TPRG1: variants seen among roughly 807,000 people sequenced by gnomAD.
The protein encoded by TPRG1 is tumor protein p63-regulated gene 1 protein.
A neutral mutation model predicts 29.3 loss-of-function variants in TPRG1; 29 were observed. The observed-to-expected ratio is 0.99, with a 90% CI of 0.74 to 1.35. The LOEUF is 1.35. Among genes scored for constraint, TPRG1 ranks in the 40% most tolerant of loss-of-function variants. The pLI is 0.00. For synonymous variants in TPRG1, 130 were observed against 116.8 expected (o/e 1.11, Z -0.73); for missense variants, 327 against 335.0 (o/e 0.98, Z 0.19).
intron 4 of TPRG1, among the ~76,000 whole-genome samples, chr3:189,274,462 T>C (rs1228601047): frequency 6.6e-6 from 1 of 152,192 alleles, no homozygotes. Flanking sequence ...TTTTATATTG[T>C]ACAGAACTTA....
chr3:189,266,154 G>A (rs1042288942), intron 4 of TPRG1, among the ~76,000 whole-genome samples: 7 of 152,130 alleles, frequency 4.6e-5, no homozygotes, highest in Admixed American at 4.6e-4. Context: ...TTGTAAAATA[G>A]AATTAATATC....
intron 1 of TPRG1, among the ~76,000 whole-genome samples, chr3:189,175,334 T>C (rs1244901837): frequency 6.6e-6 from 1 of 152,108 alleles, no homozygotes. Flanking sequence ...AACTCCCAAG[T>C]CAATACTATT....
At chr3:189,271,822 G>A (rs957592492) in intron 4 of TPRG1, among the ~76,000 whole-genome samples, 1 of 152,166 alleles carries the variant, frequency 6.6e-6, no homozygotes, top group Non-Finnish European at 1.5e-5. Context: ...TTTGAATCCC[G>A]ATTCTCATTT....
chr3:189,066,549 G>C (rs558882240), intron 4 of TPRG1, among the ~76,000 whole-genome samples: 2 of 151,894 alleles, frequency 1.3e-5, no homozygotes, highest in African/African-American at 4.8e-5. Context: ...CATCATATCA[G>C]CAGAATGAAG....
chr3:189,195,079 T>C (rs1379474448), intron 1 of TPRG1, among the ~76,000 whole-genome samples: 1 of 152,094 alleles, frequency 6.6e-6, no homozygotes, highest in Non-Finnish European at 1.5e-5. Context: ...CTGCTCAGCT[T>C]AACCAGGGCA....
chr3:189,164,622 A>T (rs1470532533), intron 5 of TPRG1, among the ~76,000 whole-genome samples: 1 of 120,184 alleles, frequency 8.3e-6, no homozygotes, highest in Non-Finnish European at 1.6e-5. Flanking sequence ...AAAAAATAAA[A>T]GCTTCCCTTT....
chr3:189,310,482 T>C lies in TPRG1; in HGVS notation c.576T>C (p.Ala192=), dbSNP rs1193186767. ...CATGGTCCACTGAAGTTCCTTATGC[T>C]ACTTTCACTGAGCATCCTATGAAAT... ...WNPWSTEVPY[A]TFTEHPMKYT... Residue 192 remains alanine, a synonymous_variant, in exon 5 of 6, where the codon GCT becomes GCC. Coordinates refer to ENST00000345063, the MANE Select transcript of TPRG1 (RefSeq NM_198485.4). The C allele has an allele frequency of 6.2e-7, 1 of 1,612,738 alleles. No homozygotes were observed. The highest frequency in any genetic ancestry group is 8.5e-7 in the Non-Finnish European group (1 of 1,179,568).
intron 4 of TPRG1, among the ~76,000 whole-genome samples, chr3:189,079,115 T>C (rs542932660): frequency 6.6e-6 from 1 of 152,204 alleles, no homozygotes; most frequent in South Asian, 2.1e-4. Flanking sequence ...AGCAGGAATG[T>C]CACATAGCAA....
intron 3 of TPRG1, among the ~76,000 whole-genome samples, chr3:189,010,168 C>T (rs541584689): frequency 5.3e-5 from 8 of 152,078 alleles, no homozygotes; most frequent in Non-Finnish European, 1.0e-4. Flanking sequence ...TGTATATGTA[C>T]CACATTTTCT....
At chr3:189,058,295 G>T (rs1190501843) in intron 4 of TPRG1, among the ~76,000 whole-genome samples, 1 of 152,114 alleles carries the variant, frequency 6.6e-6, no homozygotes, top group Non-Finnish European at 1.5e-5. Context: ...CCAAAGCTTT[G>T]CTCTCCTTAA....
At chr3:189,253,606 G>A (rs1742618452) in intron 4 of TPRG1, among the ~76,000 whole-genome samples, 1 of 152,156 alleles carries the variant, frequency 6.6e-6, no homozygotes, top group African/African-American at 2.4e-5. Context: ...AATCCTTTGG[G>A]TGTATACCCA....
At chr3:189,247,918 G>A (rs902753895) in intron 4 of TPRG1, among the ~76,000 whole-genome samples, 1 of 151,582 alleles carries the variant, frequency 6.6e-6, no homozygotes, top group South Asian at 2.1e-4. Flanking sequence ...TTAATTGCAA[G>A]TATTAATAGG....
At position 189,303,570 on chromosome 3, in the gene TPRG1, T is replaced by C. The variant is rs563237272; in HGVS notation, c.480-6816T>C. Reference sequence around the variant, plus strand: ...TTGACTACCAGTCCAGGGAGCTTACTACCATAACATGTAACACTCTAAAAA... The same window carrying C: ...TTGACTACCAGTCCAGGGAGCTTACCACCATAACATGTAACACTCTAAAAA... On this transcript the variant is annotated intron_variant, in intron 4 of 5. Transcript: ENST00000345063. Among the ~76,000 whole-genome samples the C allele has an allele frequency of 2.0e-4, 31 of 152,310 alleles. 1 individual carries two copies. In the South Asian group the frequency reaches 6.4e-3, roughly 32 times the overall value.
chr3:189,244,572 A>C (rs1741105466), intron 4 of TPRG1, among the ~76,000 whole-genome samples: 1 of 152,136 alleles, frequency 6.6e-6, no homozygotes, highest in Non-Finnish European at 1.5e-5. Context: ...GGAGCAAGAG[A>C]GAAAGTGGGG....
chr3:189,216,103 C>A (rs1226742554), intron 3 of TPRG1, among the ~76,000 whole-genome samples: 1 of 152,040 alleles, frequency 6.6e-6, no homozygotes, highest in Non-Finnish European at 1.5e-5. Context: ...AGTAAAATAT[C>A]CCTATAATAA....
At chr3:189,192,486 T>G (rs1377694485) in intron 1 of TPRG1, among the ~76,000 whole-genome samples, 1 of 152,178 alleles carries the variant, frequency 6.6e-6, no homozygotes, top group Non-Finnish European at 1.5e-5. Context: ...TAACAGGTAG[T>G]TGTAATGCAG....
intron 3 of TPRG1, among the ~76,000 whole-genome samples, chr3:189,134,415 T>A (rs11916692): frequency 8.9e-4 from 76 of 85,554 alleles, no homozygotes; most frequent in Middle Eastern, 5.7e-3. Context: ...TTTTTTTTTT[T>A]TTTTTTTTTT....
In TPRG1 at chr3:189,143,102, C is replaced by T. The variant is rs868003757; in HGVS notation, c.-290-4482C>T. Among the ~76,000 whole-genome samples the T allele has an allele frequency of 1.6e-4, 25 of 152,218 alleles. 1 individual carries two copies. Among genetic ancestry groups the T allele is most frequent in the Middle Eastern group, 6.8e-3 (2 of 294 alleles). On this transcript the variant is annotated intron_variant, in intron 3 of 6. Transcript: ENST00000412373. ...TTTTAAACTCGATTTTCATGTATAA[C>T]CTAGATGAAGGTTGTTGTTCTGGTT...
chr3:189,045,752 C>G (rs1479087380), intron 4 of TPRG1, among the ~76,000 whole-genome samples: 1 of 152,186 alleles, frequency 6.6e-6, no homozygotes, highest in Non-Finnish European at 1.5e-5. Flanking sequence ...CAGTGTTGGG[C>G]TCTTGGCTAT....
Sources: gnomAD v4.1 joint callset for allele counts (sites outside exome capture counted in the v4.1 genomes callset) on GRCh38, gnomAD v4.1.1 for gene constraint, MANE v1.5 for transcripts, NCBI Gene and HGNC (gene_info 2026-07-23, HGNC 2026-07-21) for gene names.